The following PCNX2 variants were observed in gnomAD, a reference collection of about 807,000 sequenced individuals.
PCNX2 encodes pecanex-like protein 2.
A neutral mutation model predicts 223.8 loss-of-function variants in PCNX2; 168 were observed. The observed-to-expected ratio is 0.75, with a 90% CI of 0.66 to 0.85. The LOEUF is 0.85. Among genes scored for constraint, PCNX2 ranks in the 40% least tolerant of loss-of-function variants. The probability of loss-of-function intolerance (pLI) is 0.00; values close to 1 mark genes in which losing one functional copy is unlikely to be tolerated. For synonymous variants in PCNX2, 1,006 were observed against 1,052.6 expected (o/e 0.96, Z 0.86); for missense variants, 2,507 against 2,675.5 (o/e 0.94, Z 1.39).
intron 10 of PCNX2, 48 bp downstream of exon 10, chr1:233,227,178 G>T: frequency 6.5e-7 from 1 of 1,548,112 alleles, no homozygotes; most frequent in Middle Eastern, 1.7e-4. Flanking sequence ...GCACTGTCAC[G>T]TCCCCGGTGT....
At chr1:233,078,223 A>G (rs1415579066) in intron 23 of PCNX2, among the ~76,000 whole-genome samples, 1 of 152,204 alleles carries the variant, frequency 6.6e-6, no homozygotes, top group South Asian at 2.1e-4. Flanking sequence ...ACAAAGAATG[A>G]GAACACACCG....
At chr1:233,216,774 T>G (rs907511114) in intron 12 of PCNX2, among the ~76,000 whole-genome samples, 1 of 152,174 alleles carries the variant, frequency 6.6e-6, no homozygotes, top group African/African-American at 2.4e-5. Context: ...ATTGCAACAC[T>G]GTTCACAATA....
chr1:233,211,221 C>G (rs907345795), intron 12 of PCNX2, among the ~76,000 whole-genome samples: 2 of 152,160 alleles, frequency 1.3e-5, no homozygotes, highest in African/African-American at 4.8e-5. Flanking sequence ...TGCCTCCATC[C>G]TCTCTCTCAG....
At chr1:233,293,324 G>A (rs1270228415) in intron 1 of PCNX2, among the ~76,000 whole-genome samples, 1 of 152,182 alleles carries the variant, frequency 6.6e-6, no homozygotes, top group Non-Finnish European at 1.5e-5. Flanking sequence ...TTTAATGCTA[G>A]TTGGAAAAGA....
At chr1:233,177,711 A>AT (rs1327991031) in intron 17 of PCNX2, 91 bp downstream of exon 17, 1 of 1,118,586 alleles carries the variant, frequency 8.9e-7, no homozygotes, top group African/African-American at 1.6e-5. Flanking sequence ...AGTCCTTCTC[A>AT]TGTCCACCTG....
rs1367729885 is a variant in PCNX2, at chr1:233,139,459, A to G, written c.3659+255T>C. 1.3e-5 allele frequency among the ~76,000 whole-genome samples: 2 copies of G among 152,216 alleles called. No individual in the cohort carries two copies. The highest frequency in any genetic ancestry group is 1.3e-4 in the Admixed American group (2 of 15,286). On this transcript the variant is annotated intron_variant, in intron 20 of 33. Coordinates refer to ENST00000258229, the MANE Select transcript of PCNX2 (RefSeq NM_014801.4). This position sits in a 1 kb window ranked among gnomAD's most constrained non-coding sequence, Gnocchi z 4.4. ...TAAGGCTCACTGACTAAGCTTCTGCAGGATGATTTTCAAATCTACTGACAT... is the reference window on the plus strand; with the variant it reads ...TAAGGCTCACTGACTAAGCTTCTGCGGGATGATTTTCAAATCTACTGACAT...
intron 23 of PCNX2, among the ~76,000 whole-genome samples, chr1:233,085,162 A>G (rs1673537498): frequency 6.6e-6 from 1 of 152,056 alleles, no homozygotes; most frequent in Non-Finnish European, 1.5e-5. Flanking sequence ...GTGAAACCCC[A>G]TCTCTACTAA....
At chr1:233,116,702 A>G (rs896561167) in intron 21 of PCNX2, among the ~76,000 whole-genome samples, 1 of 152,132 alleles carries the variant, frequency 6.6e-6, no homozygotes, top group African/African-American at 2.4e-5. Context: ...AGAAAAGAGG[A>G]AAAGTCTCAA....
At chr1:233,119,857 A>G (rs1241459666) in intron 21 of PCNX2, among the ~76,000 whole-genome samples, 1 of 152,120 alleles carries the variant, frequency 6.6e-6, no homozygotes, top group Admixed American at 6.5e-5. Flanking sequence ...GACATATCCA[A>G]CAAGGGAATC....
intron 21 of PCNX2, among the ~76,000 whole-genome samples, chr1:233,106,347 CTTTTTTTTTTTT>C (rs912803573): frequency 2.6e-5 from 3 of 115,686 alleles, no homozygotes; most frequent in South Asian, 2.8e-4. Flanking sequence ...TCTCCTCCCT[CTTTTTTTTTTTT>C]TTTTTTTTTT....
chr1:233,116,501 T>C (rs988518179), intron 21 of PCNX2, among the ~76,000 whole-genome samples: 5 of 151,950 alleles, frequency 3.3e-5, no homozygotes, highest in Admixed American at 3.3e-4. Flanking sequence ...AATAGAAAGA[T>C]AACACAAAAA....
At chr1:233,252,310 A>C (rs373595583) in intron 7 of PCNX2, 44 bp downstream of exon 7, 1 of 1,568,264 alleles carries the variant, frequency 6.4e-7, no homozygotes, top group Non-Finnish European at 8.7e-7. Context: ...GAAAGCTGAC[A>C]GTTTTCCCTG....
chr1:233,054,511 T>C (rs780229279), intron 24 of PCNX2, 28 bp from the exon 25 acceptor site: 4 of 1,557,776 alleles, frequency 2.6e-6, no homozygotes, highest in Non-Finnish European at 3.5e-6. Context: ...ATATGATCAG[T>C]GAATGCCTAC....
intron 17 of PCNX2, among the ~76,000 whole-genome samples, chr1:233,168,766 T>A (rs1678952682): frequency 6.6e-6 from 1 of 152,126 alleles, no homozygotes; most frequent in Non-Finnish European, 1.5e-5. Context: ...CATTTCACAA[T>A]CCTTGATAAA....
At chr1:233,128,295 C>G (rs1676217216) in intron 21 of PCNX2, among the ~76,000 whole-genome samples, 1 of 152,064 alleles carries the variant, frequency 6.6e-6, no homozygotes, top group East Asian at 1.9e-4. Context: ...TGTGACAACC[C>G]AAAGTTACCA....
At chr1:233,173,078 G>A (rs1679254453) in intron 17 of PCNX2, among the ~76,000 whole-genome samples, 1 of 151,672 alleles carries the variant, frequency 6.6e-6, no homozygotes, top group African/African-American at 2.4e-5. Flanking sequence ...AAAAGAGTCT[G>A]TCTCCTTTCT....
intron 26 of PCNX2, among the ~76,000 whole-genome samples, chr1:233,017,420 C>T (rs1670718000): frequency 1.3e-5 from 2 of 151,330 alleles, no homozygotes; most frequent in African/African-American, 4.9e-5. Flanking sequence ...CAGGTTCACG[C>T]CATTCTCCTG....
intron 8 of PCNX2, among the ~76,000 whole-genome samples, chr1:233,237,655 T>TTTTCTA (rs1324263028): frequency 7.9e-5 from 12 of 152,172 alleles, no homozygotes; most frequent in Non-Finnish European, 1.5e-4. Context: ...CTCTATCTGA[T>TTTTCTA]TTTCTAGTAG....
At chr1:233,326,589 T>C in the PCNX2 span, among the ~76,000 whole-genome samples, 1 of 152,156 alleles carries the variant, frequency 6.6e-6, no homozygotes, top group Non-Finnish European at 1.5e-5. Flanking sequence ...AGCCAATAAA[T>C]AGTTTGATCT....
Sources: allele counts gnomAD v4.1 joint callset (sites outside exome capture counted in the v4.1 genomes callset), GRCh38; gene constraint gnomAD v4.1.1; non-coding constraint Gnocchi (gnomAD v3.1); transcripts MANE v1.5; gene names NCBI Gene and HGNC (gene_info 2026-07-23, HGNC 2026-07-21).